The following FAM120A variants were observed in gnomAD, a reference collection of about 807,000 sequenced individuals.
FAM120A encodes the protein family with sequence similarity 120 member A.
A neutral mutation model predicts 109.7 loss-of-function variants in FAM120A; 15 were observed. The ratio of observed to expected loss-of-function variants is 0.14; its 90% CI spans 0.09 to 0.21. The LOEUF (loss-of-function observed/expected upper bound fraction) is 0.21. Ranked by LOEUF, FAM120A falls within the 10% of genes least tolerant of loss-of-function variation. The probability of loss-of-function intolerance (pLI) is 1.00; values close to 1 mark genes in which losing one functional copy is unlikely to be tolerated. For missense variants in FAM120A, 899 were observed against 1,439.3 expected, an observed-to-expected ratio of 0.62 and a Z score of 6.07; for synonymous variants, 493 against 572.8, an observed-to-expected ratio of 0.86 and a Z score of 1.99.
In FAM120A at chr9:93,564,567, T is replaced by G; in HGVS notation, c.*27T>G. ...CTTATTTTTTATAGAGGGTGAAGGA[T>G]GCTGGAAGGGTAAGGATTTAGGAAT... On this transcript the variant is annotated 3_prime_UTR_variant, in exon 18 of 18. Coordinates refer to ENST00000277165, the MANE Select transcript of FAM120A (RefSeq NM_014612.5). 1 of 1,556,396 alleles carries G rather than the reference T, an allele frequency of 6.4e-7. No individual in the cohort carries two copies. Among genetic ancestry groups the G allele is most frequent in the Non-Finnish European group, 8.8e-7 (1 of 1,138,822 alleles).
At chr9:93,512,941 T>G (rs1397043683) in intron 5 of FAM120A, among the ~76,000 whole-genome samples, 4 of 152,236 alleles carry the variant, frequency 2.6e-5, no homozygotes, top group African/African-American at 7.2e-5. Context: ...TGTAGTTTGT[T>G]TGTTTGCTTT....
chr9:93,557,129 T>G (rs865947928), intron 13 of FAM120A, among the ~76,000 whole-genome samples: 1,944 of 68,542 alleles, frequency 0.028, 24 homozygotes, highest in Middle Eastern at 0.2. Context: ...TTGTTTTGGT[T>G]TTTTTTTTTT....
At position 93,471,157 on chromosome 9, in the gene FAM120A, A is replaced by G. The variant is rs1031531809; in HGVS notation, c.491A>G (p.Glu164Gly). 5.6e-6 allele frequency: 9 copies of G among 1,614,174 alleles called. No homozygotes were observed. The highest frequency in any genetic ancestry group is 7.6e-6 in the Non-Finnish European group (9 of 1,180,022). ...RFHVKVAQSI[E>G]DHHQEVIGFC... ...GTTTGCCAGGTTGCACAGAGCATTGAGGATCACCATCAGGAAGTGATTGGT... is the reference window on the plus strand; with the variant it reads ...GTTTGCCAGGTTGCACAGAGCATTGGGGATCACCATCAGGAAGTGATTGGT... Residue 164 changes from glutamate (E) to glycine (G), a missense_variant, in exon 2 of 18, where the codon GAG becomes GGG. Glu to Gly is a moderately conservative substitution (Grantham distance 98). Coordinates refer to ENST00000277165, the MANE Select transcript of FAM120A (RefSeq NM_014612.5).
intron 3 of FAM120A, among the ~76,000 whole-genome samples, chr9:93,477,933 C>G (rs998205247): frequency 3.3e-5 from 5 of 152,078 alleles, no homozygotes; most frequent in Non-Finnish European, 5.9e-5. Flanking sequence ...AATGTGTATC[C>G]GTATATCCCC....
chr9:93,541,998 G>A (rs1267443712), intron 10 of FAM120A, among the ~76,000 whole-genome samples: 3 of 152,220 alleles, frequency 2.0e-5, no homozygotes, highest in Non-Finnish European at 4.4e-5. Context: ...CTGGAGATCA[G>A]CCAGTAATAC....
chr9:93,559,057 T>C (rs1862389462), intron 15 of FAM120A, among the ~76,000 whole-genome samples: 1 of 152,218 alleles, frequency 6.6e-6, no homozygotes. Flanking sequence ...AGCAGCCATC[T>C]TTTGGTAAAG....
intron 3 of FAM120A, among the ~76,000 whole-genome samples, chr9:93,486,535 CTT>C (rs139344165): frequency 1.0e-4 from 14 of 138,546 alleles, no homozygotes; most frequent in Admixed American, 1.4e-4. Flanking sequence ...TTTCTTTTTT[CTT>C]TTTTTTTTTT....
In FAM120A at chr9:93,550,638, G is replaced by T; in HGVS notation, c.2221G>T (p.Ala741Ser). The change falls in exon 12 of 18, where the codon GCT becomes TCT. Residue 741 changes from alanine (A) to serine (S), a missense_variant. This residue lies in a region of FAM120A where 52 missense variants were observed against 49.7 expected (regional missense o/e 1.05). Transcript: ENST00000277165. ...LRRQELDAFL[A>S]QALSPKLYEP... ...GCGTCAGGAGCTAGATGCCTTCCTGGCTCAGGCGCTGTCCCCCAAACTCTA... is the reference window on the plus strand; with the variant it reads ...GCGTCAGGAGCTAGATGCCTTCCTGTCTCAGGCGCTGTCCCCCAAACTCTA... 6.2e-7 allele frequency: 1 copy of T among 1,613,920 alleles called. No homozygotes were observed. Among genetic ancestry groups the T allele is most frequent in the South Asian group, 1.1e-5 (1 of 91,080 alleles).
rs759344276 is a variant in FAM120A, at chr9:93,557,939, A to G, written c.2597A>G (p.Tyr866Cys). The G allele has an allele frequency of 1.2e-6, 2 of 1,607,842 alleles. No homozygotes were observed. The highest frequency in any genetic ancestry group is 1.7e-6 in the Non-Finnish European group (2 of 1,179,666). Residue 866 changes from tyrosine (Y) to cysteine (C), a missense_variant, in exon 14 of 18, where the codon TAC (tyrosine) becomes TGC (cysteine). Around this residue, in one of 11 missense-constraint regions of FAM120A, gnomAD observed 129 missense variants for 153.4 expected, o/e 0.84. Transcript: ENST00000277165. ...PFPPPPALPF[Y>C]PASAYPRHFG... ...CCGCCGCCACCTGCCCTGCCCTTCT[A>G]CCCTGCCTCTGCGTACCCCCGGCAC...
chr9:93,502,516 C>T (rs1054637289), intron 5 of FAM120A, among the ~76,000 whole-genome samples: 4 of 151,630 alleles, frequency 2.6e-5, no homozygotes, highest in African/African-American at 9.7e-5. Flanking sequence ...AAAAATACCT[C>T]AGATCTCTAA....
intron 5 of FAM120A, among the ~76,000 whole-genome samples, chr9:93,507,973 G>C (rs1860140510): frequency 6.6e-6 from 1 of 152,170 alleles, no homozygotes; most frequent in Non-Finnish European, 1.5e-5. Context: ...TGAACAGGTT[G>C]AAGTTGTTAT....
At position 93,564,213 on chromosome 9, in the gene FAM120A, C is replaced by A; in HGVS notation, c.3046-16C>A. The A allele has an allele frequency of 6.3e-7, 1 of 1,588,794 alleles. No individual in the cohort carries two copies. The highest frequency in any genetic ancestry group is 8.6e-7 in the Non-Finnish European group (1 of 1,160,812). The stretch of plus-strand genomic sequence containing the variant: ...CAGAAACCACCTTCTCATTTGTTGT[C>A]CTTCATTTTAAACAGGGCAGACCTC... On this transcript the variant is annotated splice_polypyrimidine_tract_variant and intron_variant, in intron 17 of 17. Transcript: ENST00000277165.
intron 3 of FAM120A, among the ~76,000 whole-genome samples, chr9:93,479,001 C>G (rs1858675847): frequency 6.6e-6 from 1 of 151,558 alleles, no homozygotes; most frequent in African/African-American, 2.4e-5. Context: ...TACATATCTT[C>G]CATAATATTC....
At chr9:93,453,564 A>G (rs1026741845) in intron 1 of FAM120A, 80 of 985,114 alleles carry the variant, frequency 8.1e-5, no homozygotes, top group Non-Finnish European at 8.8e-5. Flanking sequence ...CCGCGAGGAG[A>G]TGGTGGTAGT....
intron 1 of FAM120A, chr9:93,453,584 A>AGTTTATCATTTT: frequency 1.0e-6 from 1 of 985,388 alleles, no homozygotes; most frequent in South Asian, 4.7e-5. Flanking sequence ...TTAAGCCTAA[A>AGTTTATCATTTT]ATGATAGCGG....
At chr9:93,453,762 GCC>G (rs977915165) in intron 1 of FAM120A, among the ~76,000 whole-genome samples, 2 of 152,190 alleles carry the variant, frequency 1.3e-5, no homozygotes, top group African/African-American at 2.4e-5. Flanking sequence ...CTGAATCGGA[GCC>G]TGGGGCGCTC....
intron 11 of FAM120A, 132 bp downstream of exon 11, chr9:93,543,603 C>A: frequency 1.7e-6 from 2 of 1,162,852 alleles, no homozygotes; most frequent in Non-Finnish European, 2.4e-6. Flanking sequence ...TATTGTCATC[C>A]CATATTTATA....
At chr9:93,523,110 A>T (rs999832332) in intron 7 of FAM120A, among the ~76,000 whole-genome samples, 1 of 152,218 alleles carries the variant, frequency 6.6e-6, no homozygotes, top group South Asian at 2.1e-4. Context: ...ACTACTTTTT[A>T]AAAATTAACT....
chr9:93,548,727 T>G (rs1468712527), intron 11 of FAM120A, among the ~76,000 whole-genome samples: 1 of 152,182 alleles, frequency 6.6e-6, no homozygotes, highest in Non-Finnish European at 1.5e-5. Flanking sequence ...TGCTGTTTCT[T>G]GCATCCGGCC....
Sources: allele counts gnomAD v4.1 joint callset (sites outside exome capture counted in the v4.1 genomes callset), GRCh38; gene constraint gnomAD v4.1.1; regional missense constraint gnomAD v4.1.1; transcripts MANE v1.5; gene names NCBI Gene and HGNC (gene_info 2026-07-23, HGNC 2026-07-21).